The following LOXHD1 variants were observed in gnomAD, a reference collection of about 807,000 sequenced individuals.
The protein encoded by LOXHD1 is lipoxygenase homology PLAT domains 1.
A neutral mutation model predicts 248.2 loss-of-function variants in LOXHD1; 205 were observed. That is an observed-to-expected ratio of 0.83 (90% CI 0.74 to 0.93). The LOEUF is 0.93. Ranked by LOEUF, LOXHD1 falls within the 40% of genes least tolerant of loss-of-function variation. The pLI is 0.00. For missense variants in LOXHD1, 2,930 were observed against 2,971.6 expected, an observed-to-expected ratio of 0.99 and a Z score of 0.33; for synonymous variants, 1,113 against 1,162.8, an observed-to-expected ratio of 0.96 and a Z score of 0.87.
intron 37 of LOXHD1, among the ~76,000 whole-genome samples, chr18:46,494,581 T>C (rs2033706260): frequency 6.6e-6 from 1 of 152,148 alleles, no homozygotes; most frequent in Admixed American, 6.5e-5. Flanking sequence ...CTTTTTCACA[T>C]ATGTTATCTA....
intron 34 of LOXHD1, among the ~76,000 whole-genome samples, chr18:46,516,548 G>C (rs1598894879): frequency 2.0e-5 from 3 of 152,126 alleles, no homozygotes; most frequent in African/African-American, 7.2e-5. Context: ...GTCCTCAAAA[G>C]CTTCAGTAGC....
chr18:46,501,751 AC>A (rs552859383), intron 37 of LOXHD1, among the ~76,000 whole-genome samples: 99 of 152,330 alleles, frequency 6.5e-4, no homozygotes, highest in African/African-American at 2.3e-3. Context: ...ATAGGGCATA[AC>A]TACCGTGAAT....
Position 46,657,194 on chromosome 18 carries a change from C to T in LOXHD1, c.-161G>A, listed in dbSNP as rs1599083812. On this transcript the variant is annotated 5_prime_UTR_variant, in exon 1 of 41. Coordinates refer to ENST00000642948, the MANE Select transcript of LOXHD1 (RefSeq NM_001384474.1). Reference sequence around the variant, plus strand: ...CCCGTTTTCTTGGCTTCCCCGTGCCCAAGGTGCTGTTCCCTCTGCCTTCTC... The same window carrying T: ...CCCGTTTTCTTGGCTTCCCCGTGCCTAAGGTGCTGTTCCCTCTGCCTTCTC... 4 of 1,180,358 alleles carry T rather than the reference C, an allele frequency of 3.4e-6. No homozygotes were observed. In the East Asian group the frequency reaches 1.0e-4, roughly 30 times the overall value. 73.1% of individuals were successfully genotyped at this position (1,180,358 alleles called of 1,614,324 possible). A position where few individuals can be genotyped will look rare whatever the true frequency, so the allele number is the denominator to read the frequency against.
chr18:46,494,849 C>CTTTTTTTTTTTTTTTTTTTTT (rs58016824), intron 37 of LOXHD1, among the ~76,000 whole-genome samples: 5 of 96,554 alleles, frequency 5.2e-5, no homozygotes, highest in Non-Finnish European at 8.2e-5. Context: ...TTCTCTCTCT[C>CTTTTTTTTTTTTTTTTTTTTT]TTTTTTTTTT....
intron 5 of LOXHD1, among the ~76,000 whole-genome samples, chr18:46,613,570 C>T (rs2038540336): frequency 6.6e-6 from 1 of 151,790 alleles, no homozygotes; most frequent in Admixed American, 6.6e-5. Flanking sequence ...TTTTTCTGGC[C>T]CTAGGACCTC....
At position 46,538,339 on chromosome 18, in the gene LOXHD1, T is replaced by C; in HGVS notation, c.3914-2A>G. ...AGAGGGTGATCTCGTAAGGAACAAC[T>C]GAGGGTGGTGGTCAGAGGGCAAAGC... On this transcript the variant is annotated splice_acceptor_variant, in intron 25 of 40. Transcript: ENST00000642948. LOFTEE classifies it high-confidence loss of function. 1 of 1,544,168 alleles carries C rather than the reference T, an allele frequency of 6.5e-7. No homozygotes were observed. The highest frequency in any genetic ancestry group is 8.8e-7 in the Non-Finnish European group (1 of 1,140,700).
chr18:46,560,174 G>C lies in LOXHD1; in HGVS notation c.2970C>G (p.His990Gln), dbSNP rs868364225. The part of the protein sequence containing the change: ...GPGMQEVIEQ[H>Q]KFEAHRWLAR... ...CCAGCCAGCGGTGGGCTTCGAACTTGTGCTGCTCAATCACCTCCTGCATCC... is the reference window on the plus strand; with the variant it reads ...CCAGCCAGCGGTGGGCTTCGAACTTCTGCTGCTCAATCACCTCCTGCATCC... The change falls in exon 19 of 41, where the codon CAC becomes CAG. Residue 990 changes from histidine (H) to glutamine (Q), a missense_variant. Physicochemically the swap from His to Gln is conservative, Grantham distance 24. Coordinates refer to ENST00000642948, the MANE Select transcript of LOXHD1 (RefSeq NM_001384474.1). The C allele has an allele frequency of 2.1e-5, 33 of 1,551,236 alleles. No homozygotes were observed. The African/African-American group carries it at 3.6e-4, about 17-fold the overall frequency.
chr18:46,589,356 C>G (rs2038122027), intron 12 of LOXHD1, among the ~76,000 whole-genome samples: 1 of 152,152 alleles, frequency 6.6e-6, no homozygotes, highest in Non-Finnish European at 1.5e-5. Context: ...AAGGTCAAGG[C>G]CCTTGCTTGA....
chr18:46,651,684 T>G (rs138945122), intron 1 of LOXHD1, among the ~76,000 whole-genome samples: 123 of 151,820 alleles, frequency 8.1e-4, no homozygotes, highest in African/African-American at 2.8e-3. Flanking sequence ...TTCATTAAAA[T>G]TGAGACCATC....
At chr18:46,494,691 C>T (rs1416348543) in intron 37 of LOXHD1, among the ~76,000 whole-genome samples, 1 of 152,112 alleles carries the variant, frequency 6.6e-6, no homozygotes. Context: ...CCTCAGTATC[C>T]TCACTTGTAC....
chr18:46,557,342 GC>G lies in LOXHD1; in HGVS notation c.3350+13del, dbSNP rs1421852263. 5 of 1,551,854 alleles carry G rather than the reference GC, an allele frequency of 3.2e-6. No homozygotes were observed. The Admixed American group carries it at 9.8e-5, about 30-fold the overall frequency. ...AGAGCAACACCCCTCCCTGCCCACT[GC>G]CCCCACACTCACGTGATCTCGTTGT... is the stretch of plus-strand genomic sequence containing the variant. On this transcript the variant is annotated intron_variant, in intron 21 of 40. Coordinates refer to ENST00000642948, the MANE Select transcript of LOXHD1 (RefSeq NM_001384474.1).
chr18:46,603,956 G>T, intron 7 of LOXHD1, 150 bp downstream of exon 7: 1 of 1,113,738 alleles, frequency 9.0e-7, no homozygotes, highest in Non-Finnish European at 1.3e-6. Flanking sequence ...AACCCAGTGG[G>T]ACAGAACAGT....
In LOXHD1 at chr18:46,586,744, C is replaced by T. The variant is rs571904662; in HGVS notation, c.1654+5189G>A. Among the ~76,000 whole-genome samples the T allele has an allele frequency of 1.1e-4, 17 of 152,258 alleles. No homozygotes were observed. The East Asian group carries it at 2.7e-3, about 24-fold the overall frequency. On this transcript the variant is annotated intron_variant, in intron 12 of 40. Coordinates refer to ENST00000642948, the MANE Select transcript of LOXHD1 (RefSeq NM_001384474.1). ...ATTACAGGCATGAGCCACTGCGTCC[C>T]GCCATAGCTGTTGTTTTTAAAAATG...
intron 29 of LOXHD1, among the ~76,000 whole-genome samples, 196 bp downstream of exon 29, chr18:46,528,981 A>T (rs2035942874): frequency 6.6e-6 from 1 of 152,032 alleles, no homozygotes; most frequent in Admixed American, 6.6e-5. Flanking sequence ...CCTATGCAGG[A>T]TCCAGGGTGG....
chr18:46,533,195 G>C lies in LOXHD1; in HGVS notation c.4342C>G (p.Gln1448Glu). Residue 1448 changes from glutamine (Q) to glutamate (E), a missense_variant, in exon 28 of 41, where the codon CAA becomes GAA. Gln to Glu is a conservative substitution (Grantham distance 29). Coordinates refer to ENST00000642948, the MANE Select transcript of LOXHD1 (RefSeq NM_001384474.1). ...EKYMKDGSLR[Q>E]VYKEVEEPLD... ...GGCTCTTCTACTTCCTTGTAGACTT[G>C]CCGTAAGGACCCATCTTTCATGTAT... 6.4e-7 allele frequency: 1 copy of C among 1,551,736 alleles called. No individual in the cohort carries two copies. The highest frequency in any genetic ancestry group is 8.7e-7 in the Non-Finnish European group (1 of 1,147,004).
intron 29 of LOXHD1, among the ~76,000 whole-genome samples, chr18:46,528,005 G>C (rs1042552277): frequency 6.6e-6 from 1 of 152,122 alleles, no homozygotes; most frequent in African/African-American, 2.4e-5. Context: ...TGACTCACGG[G>C]GTCACCAGCC....
chr18:46,572,028 G>C, intron 15 of LOXHD1, 58 bp downstream of exon 15: 1 of 1,436,134 alleles, frequency 7.0e-7, no homozygotes, highest in Non-Finnish European at 9.6e-7. Flanking sequence ...GCTTAGCTGA[G>C]GGAAGGCCCC....
At chr18:46,501,032 G>T (rs7235623) in intron 37 of LOXHD1, among the ~76,000 whole-genome samples, 57,900 of 151,894 alleles carry the variant, frequency 0.38, 11,719 homozygotes, top group East Asian at 0.61. Context: ...TGCTAGAAGG[G>T]CATCCAGATG....
intron 18 of LOXHD1, among the ~76,000 whole-genome samples, chr18:46,561,313 C>A (rs1347530657): frequency 1.3e-5 from 2 of 152,294 alleles, no homozygotes; most frequent in Admixed American, 1.3e-4. Context: ...TCAGTCTCTA[C>A]CAGGATGGGC....
Sources: gnomAD v4.1 joint callset for allele counts (sites outside exome capture counted in the v4.1 genomes callset) on GRCh38, gnomAD v4.1.1 for gene constraint, MANE v1.5 for transcripts, NCBI Gene and HGNC (gene_info 2026-07-23, HGNC 2026-07-21) for gene names.